ILDR1: variants seen among roughly 807,000 people sequenced by gnomAD.
The protein encoded by ILDR1 is immunoglobulin like domain containing receptor 1.
Under a neutral mutation model 62.4 loss-of-function variants are expected in ILDR1, and 56 were observed. The ratio of observed to expected loss-of-function variants is 0.90; its 90% confidence interval spans 0.72 to 1.12. ILDR1 has a LOEUF of 1.12. Among genes scored for constraint, ILDR1 ranks in the 50% most tolerant of loss-of-function variants. The probability of loss-of-function intolerance (pLI) is 0.00; values close to 1 mark genes in which losing one functional copy is unlikely to be tolerated. For synonymous variants in ILDR1, 284 were observed against 277.8 expected, an observed-to-expected ratio of 1.02 and a Z score of -0.22; for missense variants, 736 against 710.6, an observed-to-expected ratio of 1.04 and a Z score of -0.41.
intron 3 of ILDR1, among the ~76,000 whole-genome samples, chr3:122,003,368 T>G (rs546045533): frequency 6.6e-6 from 1 of 152,218 alleles, no homozygotes; most frequent in South Asian, 2.1e-4. Context: ...TCCTACCCGC[T>G]ATTTTCCAAA....
chr3:121,996,591 A>C (rs546064076), intron 5 of ILDR1, among the ~76,000 whole-genome samples: 4 of 152,338 alleles, frequency 2.6e-5, no homozygotes, highest in Admixed American at 2.0e-4. Context: ...TGGATAAGGC[A>C]ACAAAGCTGC....
intron 3 of ILDR1, among the ~76,000 whole-genome samples, chr3:122,003,775 C>G (rs1003789982): frequency 6.6e-6 from 1 of 150,818 alleles, no homozygotes; most frequent in Non-Finnish European, 1.5e-5. Flanking sequence ...TTTACCTTCA[C>G]GTTTTTAGAA....
rs2071623828 is a variant in ILDR1, at chr3:122,007,049, C to A, written c.171G>T (p.Val57=). 1 of 1,613,842 alleles carries A rather than the reference C, an allele frequency of 6.2e-7. No homozygotes were observed. The highest frequency in any genetic ancestry group is 1.7e-5 in the Admixed American group (1 of 59,990). Residue 57 remains valine, a synonymous_variant, in exon 2 of 8, where the codon GTG becomes GTT. Transcript: ENST00000344209. ...AGAAGGACTTGAAGCGCCATGTCACCACCACGTCCTGGAGCTGGGCAGAGG... is the reference window on the plus strand; with the variant it reads ...AGAAGGACTTGAAGCGCCATGTCACAACCACGTCCTGGAGCTGGGCAGAGG... The part of the protein sequence containing the change: ...YTTSAQLQDV[V]VTWRFKSFCK...
At chr3:122,053,511 G>C in the ILDR1 span, among the ~76,000 whole-genome samples, 1 of 152,026 alleles carries the variant, frequency 6.6e-6, no homozygotes, top group Admixed American at 6.6e-5. Context: ...AGCTAAAACT[G>C]TCTGATATTA....
chr3:122,024,424 T>C (rs865825165), upstream of ILDR1, among the ~76,000 whole-genome samples: 1 of 152,194 alleles, frequency 6.6e-6, no homozygotes, highest in Non-Finnish European at 1.5e-5. Flanking sequence ...AAATGAAAAA[T>C]AGCTTTAATA....
chr3:122,007,651 C>G (rs1346155807), intron 1 of ILDR1, among the ~76,000 whole-genome samples: 1 of 152,202 alleles, frequency 6.6e-6, no homozygotes, highest in African/African-American at 2.4e-5. Context: ...GTCAGCCATT[C>G]TGAGCTTTCT....
At chr3:122,026,770 AC>A (rs544496209), upstream of ILDR1, among the ~76,000 whole-genome samples, 552 of 152,320 alleles carry the variant, frequency 3.6e-3, 1 homozygote, top group Admixed American at 8.6e-3. Context: ...GGGTCTGGGA[AC>A]AAGTATGTTT....
the ILDR1 span, among the ~76,000 whole-genome samples, chr3:122,035,436 C>T: frequency 6.6e-6 from 1 of 152,000 alleles, no homozygotes; most frequent in African/African-American, 2.4e-5. Flanking sequence ...ATCTGTATGC[C>T]TTTTCCCCAA....
chr3:122,037,328 C>A, the ILDR1 span, among the ~76,000 whole-genome samples: 1 of 152,232 alleles, frequency 6.6e-6, no homozygotes, highest in Non-Finnish European at 1.5e-5. Context: ...GCCAAAGGGG[C>A]TGTACCCTGC....
chr3:122,032,243 T>C, the ILDR1 span, among the ~76,000 whole-genome samples: 3 of 152,212 alleles, frequency 2.0e-5, no homozygotes, highest in African/African-American at 7.2e-5. Context: ...ATTCTGGGGG[T>C]TTATCTCTTT....
the ILDR1 span, among the ~76,000 whole-genome samples, chr3:122,047,493 G>T: frequency 1.6e-4 from 25 of 152,376 alleles, no homozygotes; most frequent in African/African-American, 5.5e-4. Flanking sequence ...CCTGGGCAAT[G>T]GCGGGCGCCC....
intron 5 of ILDR1, among the ~76,000 whole-genome samples, chr3:122,000,860 A>G (rs2071512591): frequency 6.6e-6 from 1 of 152,214 alleles, no homozygotes; most frequent in South Asian, 2.1e-4. Flanking sequence ...TGGGGAAAAC[A>G]CACACACACT....
At position 121,993,641 on chromosome 3, in the gene ILDR1, G is replaced by A. The variant is rs1254301505; in HGVS notation, c.1108C>T (p.His370Tyr). The change falls in exon 7 of 8, where the codon CAC becomes TAC. Residue 370 changes from histidine to tyrosine, a missense_variant. By Grantham distance (83) the His-to-Tyr change is moderately conservative (BLOSUM62 2). Transcript: ENST00000344209. ...RPWDLREGRS[H>Y]HHYPDFHQEL... Reference sequence around the variant, plus strand: ...TGGTGGAAATCAGGGTAATGGTGGTGGCTTCTCCCCTCCCTCAGATCCCAG... The same window carrying A: ...TGGTGGAAATCAGGGTAATGGTGGTAGCTTCTCCCCTCCCTCAGATCCCAG... 15 of 1,614,220 alleles carry A rather than the reference G, an allele frequency of 9.3e-6. No individual in the cohort carries two copies. Among genetic ancestry groups the A allele is most frequent in the Non-Finnish European group, 1.3e-5 (15 of 1,180,036 alleles).
chr3:122,001,659 T>C, intron 4 of ILDR1, 86 bp downstream of exon 4: 1 of 1,555,096 alleles, frequency 6.4e-7, no homozygotes, highest in Non-Finnish European at 8.8e-7. Flanking sequence ...TAGGCTTGCT[T>C]ATTTCTGGTT....
At chr3:122,027,211 C>T (rs559624248), upstream of ILDR1, among the ~76,000 whole-genome samples, 6 of 152,136 alleles carry the variant, frequency 3.9e-5, no homozygotes, top group East Asian at 1.9e-4. Flanking sequence ...TTTTTTGAGA[C>T]GGAGTTTCAC....
chr3:122,001,516 T>A, intron 4 of ILDR1, 62 bp from the exon 5 acceptor site: 1 of 1,582,152 alleles, frequency 6.3e-7, no homozygotes, highest in Non-Finnish European at 8.7e-7. Flanking sequence ...ATACTTCCAG[T>A]TCTGATATCC....
At position 122,001,449 on chromosome 3, in the gene ILDR1, G is replaced by T; in HGVS notation, c.505C>A (p.Leu169Met). 1 of 1,614,158 alleles carries T rather than the reference G, an allele frequency of 6.2e-7. No individual in the cohort carries two copies. The highest frequency in any genetic ancestry group is 8.5e-7 in the Non-Finnish European group (1 of 1,180,014). ...CCCAGGATGATGAAGATCACTGTCA[G>T]CCAGTCTGCAGGGGAGAAGCCAAGC... The part of the protein sequence containing the change: ...KEVKLIVLHW[L>M]TVIFIILGAL... The change falls in exon 5 of 8, where the codon CTG (leucine) becomes ATG (methionine). Residue 169 changes from leucine (L) to methionine (M), a missense_variant. Physicochemically the swap from Leu to Met is conservative, Grantham distance 15. Transcript: ENST00000344209.
At chr3:122,038,409 G>A in the ILDR1 span, among the ~76,000 whole-genome samples, 1 of 152,182 alleles carries the variant, frequency 6.6e-6, no homozygotes, top group Non-Finnish European at 1.5e-5. Context: ...GAAGCCTATA[G>A]TGCACTGAGG....
chr3:122,041,954 T>G, the ILDR1 span, among the ~76,000 whole-genome samples: 3 of 148,362 alleles, frequency 2.0e-5, no homozygotes, highest in Non-Finnish European at 4.5e-5. Context: ...TTAGGGTACA[T>G]GTGCACATTG....
Sources: gnomAD v4.1 joint callset for allele counts (sites outside exome capture counted in the v4.1 genomes callset) on GRCh38, gnomAD v4.1.1 for gene constraint, MANE v1.5 for transcripts, NCBI Gene and HGNC (gene_info 2026-07-23, HGNC 2026-07-21) for gene names.